SHLD2: variants seen among roughly 807,000 people sequenced by gnomAD.
SHLD2 encodes the protein shieldin complex subunit 2.
In SHLD2, 30 loss-of-function variants were observed where a neutral mutation model predicts 73.2. The observed-to-expected ratio is 0.41, with a 90% confidence interval of 0.31 to 0.56. SHLD2 has a LOEUF of 0.56. SHLD2 is among the 20% of genes least tolerant of loss of function. The probability of loss-of-function intolerance (pLI) is 0.28; values close to 1 mark genes in which losing one functional copy is unlikely to be tolerated. For synonymous variants in SHLD2, 285 were observed against 370.1 expected (o/e 0.77, Z 2.64); for missense variants, 745 against 1,055.9 (o/e 0.71, Z 4.08).
chr10:87,128,765 C>T (rs1004994693), intron 2 of SHLD2, among the ~76,000 whole-genome samples: 1 of 152,134 alleles, frequency 6.6e-6, no homozygotes, highest in Non-Finnish European at 1.5e-5. Context: ...CCCTTTGTTT[C>T]CACTGTTCTG....
intron 6 of SHLD2, among the ~76,000 whole-genome samples, chr10:87,173,392 C>T (rs1426845173): frequency 1.3e-5 from 2 of 151,984 alleles, no homozygotes; most frequent in Admixed American, 1.3e-4. Flanking sequence ...TCTTGTTTCA[C>T]CTGTTACCTC....
chr10:87,101,629 C>T (rs369668126), intron 2 of SHLD2, among the ~76,000 whole-genome samples: 6 of 152,180 alleles, frequency 3.9e-5, no homozygotes, highest in African/African-American at 1.4e-4. Flanking sequence ...ATAGTTTAGG[C>T]TGGGCATGGT....
intron 7 of SHLD2, 147 bp downstream of exon 7, chr10:87,176,242 C>T: frequency 8.1e-7 from 1 of 1,237,762 alleles, no homozygotes; most frequent in East Asian, 2.5e-5. Context: ...CCCGTTCAGC[C>T]TTTCGCGTAG....
At chr10:87,155,866 C>T (rs1353141230) in intron 3 of SHLD2, among the ~76,000 whole-genome samples, 1 of 151,832 alleles carries the variant, frequency 6.6e-6, no homozygotes, top group Non-Finnish European at 1.5e-5. Context: ...TTTTAAAAAT[C>T]AGATTTTTTT....
intron 8 of SHLD2, among the ~76,000 whole-genome samples, chr10:87,186,477 A>G (rs1199617875): frequency 6.6e-6 from 1 of 152,194 alleles, no homozygotes; most frequent in African/African-American, 2.4e-5. Context: ...GGTTTTTTGT[A>G]TGTCCTTCCA....
chr10:87,105,625 C>A (rs183318910), intron 2 of SHLD2, among the ~76,000 whole-genome samples: 66 of 152,268 alleles, frequency 4.3e-4, no homozygotes, highest in Non-Finnish European at 1.8e-4. Flanking sequence ...CATTGACAGT[C>A]CAAGGACTCA....
intron 9 of SHLD2, 31 bp downstream of exon 9, chr10:87,187,231 T>C (rs763450835): frequency 7.6e-7 from 1 of 1,307,302 alleles, no homozygotes; most frequent in Non-Finnish European, 1.1e-6. Flanking sequence ...CAAGAAGTTG[T>C]TTTATTCAGG....
intron 4 of SHLD2, among the ~76,000 whole-genome samples, chr10:87,168,937 C>A (rs1847395715): frequency 6.6e-6 from 1 of 152,076 alleles, no homozygotes; most frequent in South Asian, 2.1e-4. Context: ...AAAGAAAAGA[C>A]TTCTGTTCTT....
chr10:87,154,810 A>G (rs887528044), intron 3 of SHLD2, among the ~76,000 whole-genome samples: 3 of 152,236 alleles, frequency 2.0e-5, no homozygotes, highest in Non-Finnish European at 4.4e-5. Context: ...AAAGAATGTG[A>G]TACAGAGGAG....
chr10:87,150,940 C>T (rs962776332), intron 2 of SHLD2, among the ~76,000 whole-genome samples: 5 of 151,944 alleles, frequency 3.3e-5, no homozygotes, highest in Non-Finnish European at 5.9e-5. Context: ...GATTCTTCTG[C>T]CTCAGCCTTC....
intron 2 of SHLD2, among the ~76,000 whole-genome samples, chr10:87,131,172 A>T (rs540115960): frequency 3.7e-3 from 557 of 151,618 alleles, no homozygotes; most frequent in Middle Eastern, 0.014. Context: ...TTTACCCAGA[A>T]CTTATTTCTA....
chr10:87,181,927 G>A (rs912289598), intron 8 of SHLD2, among the ~76,000 whole-genome samples: 103 of 149,920 alleles, frequency 6.9e-4, no homozygotes, highest in Middle Eastern at 3.4e-3. Context: ...GTGCCACCAC[G>A]CCTGGCTAAT....
chr10:87,170,561 C>G lies in SHLD2; in HGVS notation c.1717C>G (p.Pro573Ala). Residue 573 changes from proline to alanine, a missense_variant, in exon 5 of 10, where the codon CCG becomes GCG. This residue lies in a region of SHLD2 where 418 missense variants were observed against 567.8 expected (regional missense o/e 0.74). Coordinates refer to ENST00000298786, the MANE Select transcript of SHLD2 (RefSeq NM_001330112.2). ...ACATTCCTACCTCAGAGATCTTCCT[C>G]CGAGGCAGCCTCAGAGGGTGAACAG... ...SKHSYLRDLP[P>A]RQPQRVNSID... 1.9e-6 allele frequency: 3 copies of G among 1,613,642 alleles called. No homozygotes were observed. The highest frequency in any genetic ancestry group is 2.5e-6 in the Non-Finnish European group (3 of 1,179,770).
intron 2 of SHLD2, among the ~76,000 whole-genome samples, chr10:87,103,764 T>TA (rs1842415570): frequency 6.6e-6 from 1 of 152,230 alleles, no homozygotes; most frequent in Non-Finnish European, 1.5e-5. Flanking sequence ...TAATGGCAGT[T>TA]ACATCTGCAT....
chr10:87,096,529 C>CT (rs1489500423), intron 1 of SHLD2, among the ~76,000 whole-genome samples: 1 of 151,990 alleles, frequency 6.6e-6, no homozygotes, highest in Non-Finnish European at 1.5e-5. Context: ...AGGCTGATCG[C>CT]TTGAGGCCAG....
intron 2 of SHLD2, among the ~76,000 whole-genome samples, chr10:87,147,072 G>GAAAAAAAAAAAAAAAAAAAAAAAAAAA (rs76041937): frequency 1.0e-5 from 1 of 95,310 alleles, no homozygotes; most frequent in African/African-American, 4.0e-5. Context: ...AAAAAAAAAA[G>GAAAAAAAAAAAAAAAAAAAAAAAAAAA]AAAAAAAAAA....
At chr10:87,156,613 C>A (rs1467560152) in intron 3 of SHLD2, among the ~76,000 whole-genome samples, 2 of 152,100 alleles carry the variant, frequency 1.3e-5, no homozygotes, top group Non-Finnish European at 2.9e-5. Flanking sequence ...AGGAAGGAGC[C>A]AGGAGGCCAG....
intron 4 of SHLD2, among the ~76,000 whole-genome samples, chr10:87,169,836 C>T (rs1438429421): frequency 6.6e-6 from 1 of 151,880 alleles, no homozygotes; most frequent in African/African-American, 2.4e-5. Context: ...ATAACCAATC[C>T]AACACTTGAA....
chr10:87,114,046 ATAAT>A (rs1020345393), intron 2 of SHLD2: 111 of 152,266 alleles, frequency 7.3e-4, no homozygotes, highest in African/African-American at 2.6e-3. Context: ...TTGGAATTAA[ATAAT>A]TAGTAACTTT....
Sources: allele counts gnomAD v4.1 joint callset (sites outside exome capture counted in the v4.1 genomes callset), GRCh38; gene constraint gnomAD v4.1.1; regional missense constraint gnomAD v4.1.1; transcripts MANE v1.5; gene names NCBI Gene and HGNC (gene_info 2026-07-23, HGNC 2026-07-21).